The following ARHGEF37 variants were observed in gnomAD, a reference collection of about 807,000 sequenced individuals.
ARHGEF37 encodes the protein Rho guanine nucleotide exchange factor (GEF) 37.
Under a neutral mutation model 71.1 loss-of-function variants are expected in ARHGEF37, and 55 were observed. The observed-to-expected ratio is 0.77, with a 90% CI of 0.62 to 0.97. ARHGEF37 has a LOEUF of 0.97. Ranked by LOEUF, ARHGEF37 falls within the 50% of genes least tolerant of loss-of-function variation. The probability of loss-of-function intolerance (pLI) is 0.00; values close to 1 mark genes in which losing one functional copy is unlikely to be tolerated. For missense variants in ARHGEF37, 765 were observed against 836.8 expected, an observed-to-expected ratio of 0.91 and a Z score of 1.06; for synonymous variants, 327 against 350.6, an observed-to-expected ratio of 0.93 and a Z score of 0.75.
intron 1 of ARHGEF37, among the ~76,000 whole-genome samples, chr5:149,597,353 G>A (rs556930364): frequency 6.6e-6 from 1 of 152,186 alleles, no homozygotes; most frequent in Non-Finnish European, 1.5e-5. Flanking sequence ...TGCCTCCCGG[G>A]TTCAAGTGAT....
At chr5:149,578,940 A>G (rs1438206643), upstream of ARHGEF37, among the ~76,000 whole-genome samples, 1 of 152,206 alleles carries the variant, frequency 6.6e-6, no homozygotes, top group Non-Finnish European at 1.5e-5. Context: ...TAGAAATGCC[A>G]CTCAAAATAA....
At chr5:149,579,652 G>A (rs1763068105), upstream of ARHGEF37, among the ~76,000 whole-genome samples, 1 of 151,912 alleles carries the variant, frequency 6.6e-6, no homozygotes, top group Admixed American at 6.6e-5. Context: ...TGTAATCTTG[G>A]CTCACTGCAA....
At chr5:149,558,735 GTGTATA>G (rs1355479504) in intron 1 of ARHGEF37, among the ~76,000 whole-genome samples, 43 of 49,410 alleles carry the variant, frequency 8.7e-4, no homozygotes, top group African/African-American at 5.5e-3. Context: ...GTGTGTGTGT[GTGTATA>G]TATATTTTTA....
Position 149,556,364 on chromosome 5 carries a change from T to TTGTA in ARHGEF37, c.-12+4243_-12+4246dup, listed in dbSNP as rs1235421981. Among the ~76,000 whole-genome samples, 3 of 96,828 alleles carry TTGTA rather than the reference T, an allele frequency of 3.1e-5. No homozygotes were observed. In the South Asian group the frequency reaches 9.8e-4, roughly 32 times the overall value. 63.5% of individuals were successfully genotyped at this position (96,828 alleles called of 152,430 possible). On this transcript the variant is annotated intron_variant, in intron 1 of 2. Transcript: ENST00000505810. ...ACATGCCACCATGCCCAGCTAGTTT[T>TTGTA]TGTATTTATTTATTTATTTATTTAT...
At chr5:149,555,039 G>T (rs1762734504) in intron 1 of ARHGEF37, among the ~76,000 whole-genome samples, 1 of 151,560 alleles carries the variant, frequency 6.6e-6, no homozygotes, top group Non-Finnish European at 1.5e-5. Flanking sequence ...GCTGAGGCAG[G>T]AGAATCGCTG....
chr5:149,565,851 T>TTTTTTTTTTC (rs1762891271), intron 1 of ARHGEF37, among the ~76,000 whole-genome samples: 1 of 59,198 alleles, frequency 1.7e-5, no homozygotes, highest in African/African-American at 1.3e-4. Context: ...TTTTTTTTTT[T>TTTTTTTTTTC]TTTTTTTTTT....
chr5:149,571,950 AATT>A (rs1436919466), intron 1 of ARHGEF37, among the ~76,000 whole-genome samples: 2 of 151,678 alleles, frequency 1.3e-5, no homozygotes, highest in East Asian at 3.9e-4. Context: ...TGATTTTTAA[AATT>A]ATATGAAAGT....
chr5:149,582,191 C>T (rs549427774), intron 1 of ARHGEF37, among the ~76,000 whole-genome samples: 24 of 152,326 alleles, frequency 1.6e-4, no homozygotes, highest in South Asian at 1.2e-3. Flanking sequence ...GACAGCCTGC[C>T]CAGGCACTGG....
intron 1 of ARHGEF37, among the ~76,000 whole-genome samples, chr5:149,588,208 T>TTGTC (rs1160382242): frequency 8.5e-5 from 12 of 141,160 alleles, no homozygotes; most frequent in African/African-American, 3.1e-4. Flanking sequence ...TTTTGTTTGT[T>TTGTC]TGTTTGTTTG....
chr5:149,558,966 G>T (rs577889140), intron 1 of ARHGEF37, among the ~76,000 whole-genome samples: 69 of 152,066 alleles, frequency 4.5e-4, no homozygotes, highest in African/African-American at 1.7e-3. Context: ...TCTAGCCCAG[G>T]CAACAGAGCG....
chr5:149,624,854 A>G (rs1263974847), intron 10 of ARHGEF37, among the ~76,000 whole-genome samples: 1 of 150,844 alleles, frequency 6.6e-6, no homozygotes, highest in Non-Finnish European at 1.5e-5. Flanking sequence ...ACAGTATTTC[A>G]GCTGCATGAT....
At chr5:149,607,524 C>T (rs1763947257) in intron 3 of ARHGEF37, among the ~76,000 whole-genome samples, 1 of 152,206 alleles carries the variant, frequency 6.6e-6, no homozygotes, top group South Asian at 2.1e-4. Flanking sequence ...TTGTCTCACG[C>T]ATCCATGTGA....
At chr5:149,576,849 G>A (rs781156111), upstream of ARHGEF37, among the ~76,000 whole-genome samples, 14 of 152,104 alleles carry the variant, frequency 9.2e-5, no homozygotes, top group Non-Finnish European at 1.9e-4. Flanking sequence ...CCAGCTACTA[G>A]GGAGGCCAAG....
In ARHGEF37 at chr5:149,621,888, G is replaced by T; in HGVS notation, c.1161G>T (p.Gln387His). 6.2e-7 allele frequency: 1 copy of T among 1,614,270 alleles called. No individual in the cohort carries two copies. Among genetic ancestry groups the T allele is most frequent in the Non-Finnish European group, 8.5e-7 (1 of 1,180,058 alleles). ...TGGAGGTGGGCAGTGTGACCTACCA[G>T]GAGGAGGCCGCCCGGCACACATACC... Reference protein sequence around the residue: ...KLLEVGSVTYQEEAARHTYQA... With the variant: ...KLLEVGSVTYHEEAARHTYQA... Residue 387 changes from glutamine to histidine, a missense_variant, in exon 9 of 13, where the codon CAG (glutamine) becomes CAT (histidine). Physicochemically the swap from Gln to His is conservative, Grantham distance 24. Around this residue, in one of 5 missense-constraint regions of ARHGEF37, gnomAD observed 390 missense variants for 407.4 expected, o/e 0.96. Coordinates refer to ENST00000333677, the MANE Select transcript of ARHGEF37 (RefSeq NM_001001669.3).
At chr5:149,592,559 T>C (rs1340566044) in intron 1 of ARHGEF37, among the ~76,000 whole-genome samples, 1 of 152,240 alleles carries the variant, frequency 6.6e-6, no homozygotes, top group Non-Finnish European at 1.5e-5. Context: ...AAATTTTGGT[T>C]GTTTCCAGTT....
At chr5:149,601,976 GTTTATT>G (rs1763768824) in intron 3 of ARHGEF37, among the ~76,000 whole-genome samples, 1 of 152,148 alleles carries the variant, frequency 6.6e-6, no homozygotes, top group Non-Finnish European at 1.5e-5. Context: ...GGAGTTTGGA[GTTTATT>G]CTAACTGTGA....
intron 9 of ARHGEF37, among the ~76,000 whole-genome samples, chr5:149,622,820 T>A (rs1296102944): frequency 6.6e-6 from 1 of 152,210 alleles, no homozygotes; most frequent in Admixed American, 6.5e-5. Flanking sequence ...AACACCCAAC[T>A]GCTTCCAGAT....
chr5:149,585,674 C>A (rs4705356), intron 1 of ARHGEF37, among the ~76,000 whole-genome samples: 1 of 151,506 alleles, frequency 6.6e-6, no homozygotes, highest in African/African-American at 2.4e-5. Context: ...TCTGCCACCA[C>A]GCCCAGCTAA....
At chr5:149,600,149 A>T (rs1763710125) in intron 2 of ARHGEF37, among the ~76,000 whole-genome samples, 1 of 152,242 alleles carries the variant, frequency 6.6e-6, no homozygotes, top group African/African-American at 2.4e-5. Flanking sequence ...AATGCAGCAC[A>T]ATAGTATTTA....
Sources: allele counts gnomAD v4.1 joint callset (sites outside exome capture counted in the v4.1 genomes callset), GRCh38; gene constraint gnomAD v4.1.1; regional missense constraint gnomAD v4.1.1; transcripts MANE v1.5; gene names NCBI Gene and HGNC (gene_info 2026-07-23, HGNC 2026-07-21).